The following ZNF420 variants were observed in gnomAD, a reference collection of about 807,000 sequenced individuals.
ZNF420 encodes the protein zinc finger protein 420, also known as ATM and p53-associated KZNF protein.
ZNF420 carries 31 observed loss-of-function variants against 44.7 expected under a neutral mutation model. The ratio of observed to expected loss-of-function variants is 0.69; its 90% CI spans 0.52 to 0.94. The LOEUF is 0.94. Ranked by LOEUF, ZNF420 falls within the 40% of genes least tolerant of loss-of-function variation. The pLI, the probability that ZNF420 is intolerant of heterozygous loss-of-function variation, is 0.00. For missense variants in ZNF420, 681 were observed against 827.9 expected (o/e 0.82, Z 2.18); for synonymous variants, 245 against 267.4 (o/e 0.92, Z 0.82).
At chr19:37,026,600 T>G (rs1438399746) in intron 1 of ZNF420, among the ~76,000 whole-genome samples, 6 of 152,182 alleles carry the variant, frequency 3.9e-5, no homozygotes, top group Non-Finnish European at 7.3e-5. Context: ...ATTACAGTTG[T>G]GAGCCACCGG....
intron 1 of ZNF420, among the ~76,000 whole-genome samples, chr19:37,015,855 G>A (rs1236400218): frequency 6.6e-6 from 1 of 152,218 alleles, no homozygotes; most frequent in Non-Finnish European, 1.5e-5. Flanking sequence ...AGCCACATGC[G>A]AGTGGGATGG....
intron 1 of ZNF420, among the ~76,000 whole-genome samples, chr19:37,071,024 A>C (rs1262286488): frequency 6.6e-6 from 1 of 152,204 alleles, no homozygotes; most frequent in Non-Finnish European, 1.5e-5. Flanking sequence ...TGTGACAGAA[A>C]CTGTATGGCC....
chr19:37,023,394 C>G (rs1449907484), intron 1 of ZNF420, among the ~76,000 whole-genome samples: 1 of 151,844 alleles, frequency 6.6e-6, no homozygotes, highest in Non-Finnish European at 1.5e-5. Context: ...GAGATGGAGT[C>G]TTGCTCTGTC....
chr19:37,032,011 G>A (rs1013081288), intron 1 of ZNF420, among the ~76,000 whole-genome samples: 7 of 151,940 alleles, frequency 4.6e-5, no homozygotes, highest in African/African-American at 1.7e-4. Context: ...AGGAGTTCCA[G>A]ACCAGCCGGG....
chr19:37,126,989 G>T, intron 4 of ZNF420, 139 bp from the exon 5 acceptor site: 1 of 427,362 alleles, frequency 2.3e-6, no homozygotes, highest in Non-Finnish European at 3.8e-6. Context: ...GTGAAAGGTA[G>T]GTATTATATG....
chr19:37,044,369 C>T (rs919845505), intron 1 of ZNF420, among the ~76,000 whole-genome samples: 9 of 151,860 alleles, frequency 5.9e-5, no homozygotes, highest in South Asian at 2.1e-4. Context: ...CAAACAAAAC[C>T]GAGGATCGGT....
chr19:37,069,351 T>C lies in ZNF420; in HGVS notation c.-124-10994T>C, dbSNP rs900461813. ...AATATAATTCTAAATTATTTATGGTTAAAAGAAATCATAGTAGAAATTTAA... is the reference window on the plus strand; with the variant it reads ...AATATAATTCTAAATTATTTATGGTCAAAAGAAATCATAGTAGAAATTTAA... On this transcript the variant is annotated intron_variant, in intron 1 of 4. Coordinates refer to the ZNF420 transcript ENST00000587029. 2.0e-5 allele frequency among the ~76,000 whole-genome samples: 3 copies of C among 152,138 alleles called. No individual in the cohort carries two copies. The East Asian group carries it at 5.8e-4, about 29-fold the overall frequency.
At chr19:37,083,200 A>G (rs1377703920) in intron 2 of ZNF420, among the ~76,000 whole-genome samples, 5 of 150,590 alleles carry the variant, frequency 3.3e-5, no homozygotes, top group Admixed American at 2.0e-4. Context: ...GTAATCCATC[A>G]TACATAGTGA....
chr19:37,055,566 G>C (rs1421916445), intron 1 of ZNF420, among the ~76,000 whole-genome samples: 3 of 152,158 alleles, frequency 2.0e-5, no homozygotes, highest in Non-Finnish European at 2.9e-5. Flanking sequence ...GTTTAAAGGG[G>C]CTACAGCCTG....
intron 4 of ZNF420, among the ~76,000 whole-genome samples, chr19:37,108,000 A>C (rs182403054): frequency 1.9e-4 from 29 of 152,290 alleles, no homozygotes; most frequent in Admixed American, 1.5e-3. Flanking sequence ...TATTCCAGTC[A>C]CACTGTAACT....
intron 4 of ZNF420, chr19:37,092,933 A>C (rs1969236801): frequency 6.6e-6 from 1 of 152,194 alleles, no homozygotes; most frequent in African/African-American, 2.4e-5. Context: ...ATTATTCAGC[A>C]ATAAAAAGGA....
chr19:37,044,793 C>T (rs1036736571), intron 1 of ZNF420, among the ~76,000 whole-genome samples: 11 of 152,134 alleles, frequency 7.2e-5, no homozygotes, highest in Admixed American at 5.2e-4. Flanking sequence ...CGCACCATTG[C>T]ACTCCAGCCA....
At chr19:37,122,307 T>C (rs1032056505) in intron 4 of ZNF420, among the ~76,000 whole-genome samples, 17 of 151,694 alleles carry the variant, frequency 1.1e-4, no homozygotes, top group African/African-American at 3.9e-4. Flanking sequence ...GTTCATGTCC[T>C]TTATAGGGAC....
chr19:37,127,923 A>G lies in ZNF420; in HGVS notation c.932A>G (p.Glu311Gly). 3 of 1,614,144 alleles carry G rather than the reference A, an allele frequency of 1.9e-6. No individual in the cohort carries two copies. Among genetic ancestry groups the G allele is most frequent in the Non-Finnish European group, 2.5e-6 (3 of 1,179,984 alleles). ...HTGEKPYECK[E>G]CGKAFICGSQ... ...GGTGAGAAACCCTATGAATGTAAGGAATGTGGAAAAGCTTTTATTTGTGGC... is the reference window on the plus strand; with the variant it reads ...GGTGAGAAACCCTATGAATGTAAGGGATGTGGAAAAGCTTTTATTTGTGGC... Residue 311 changes from glutamate to glycine, a missense_variant, in exon 5 of 5, where the codon GAA (glutamate) becomes GGA (glycine). Glu to Gly is a moderately conservative substitution (Grantham distance 98, BLOSUM62 -2). Transcript: ENST00000337995.
At chr19:37,016,184 C>A (rs939127398) in intron 1 of ZNF420, among the ~76,000 whole-genome samples, 2 of 152,232 alleles carry the variant, frequency 1.3e-5, no homozygotes, top group Non-Finnish European at 2.9e-5. Flanking sequence ...TCAGCCATGG[C>A]TGGCCTTTGC....
chr19:37,116,788 A>G (rs1158346603), intron 4 of ZNF420, among the ~76,000 whole-genome samples: 1 of 152,208 alleles, frequency 6.6e-6, no homozygotes, highest in Non-Finnish European at 1.5e-5. Flanking sequence ...CTTAAAAAAC[A>G]GCACACCAGG....
rs1175487789 is a variant in ZNF420 at position 37,128,008 on chromosome 19, A to G, written c.1017A>G (p.Glu339=). The G allele has an allele frequency of 2.5e-6, 4 of 1,613,852 alleles. No individual in the cohort carries two copies. Among genetic ancestry groups the G allele is most frequent in the African/African-American group, 1.3e-5 (1 of 74,880 alleles). ...GGGAAAAACCATATGAATGTAAGGA[A>G]TGTGGAAGGGCCTTTATTCGGGGCT... ...HNGEKPYECK[E]CGRAFIRGSL... The change falls in exon 5 of 5, where the codon GAA becomes GAG. Residue 339 remains glutamate, a synonymous_variant. Coordinates refer to ENST00000337995, the MANE Select transcript of ZNF420 (RefSeq NM_144689.5).
At chr19:37,053,669 A>ACAGCGGATATTGGTGAG (rs1473232319) in intron 1 of ZNF420, among the ~76,000 whole-genome samples, 1 of 152,158 alleles carries the variant, frequency 6.6e-6, no homozygotes, top group Non-Finnish European at 1.5e-5. Flanking sequence ...AGGCTGCCGA[A>ACAGCGGATATTGGTGAG]CAGCGGATAT....
At chr19:37,040,122 T>C (rs781379205) in intron 1 of ZNF420, among the ~76,000 whole-genome samples, 4 of 152,236 alleles carry the variant, frequency 2.6e-5, no homozygotes, top group Admixed American at 1.3e-4. Flanking sequence ...TTCATCTACA[T>C]TGACAATCCA....
Sources: allele counts gnomAD v4.1 joint callset (sites outside exome capture counted in the v4.1 genomes callset), GRCh38; gene constraint gnomAD v4.1.1; transcripts MANE v1.5; gene names NCBI Gene and HGNC (gene_info 2026-07-23, HGNC 2026-07-21).